Variants in CDADC1 observed in about 807,000 individuals in gnomAD.
The protein encoded by CDADC1 is dCTP deaminase.
In CDADC1, 39 loss-of-function variants were observed where a neutral mutation model predicts 54.9. The observed-to-expected ratio is 0.71, with a 90% CI of 0.55 to 0.93. CDADC1 has a LOEUF of 0.93. Among genes scored for constraint, CDADC1 ranks in the 40% least tolerant of loss-of-function variants. The pLI is 0.00. For missense variants in CDADC1, 518 were observed against 618.8 expected (o/e 0.84, Z 1.73); for synonymous variants, 186 against 204.0 (o/e 0.91, Z 0.75).
intron 9 of CDADC1, among the ~76,000 whole-genome samples, chr13:49,291,452 G>A (rs1246442476): frequency 6.6e-6 from 1 of 152,110 alleles, no homozygotes; most frequent in Non-Finnish European, 1.5e-5. Context: ...AATTACAGAC[G>A]TGAGCCATTG....
At position 49,291,981 on chromosome 13, in the gene CDADC1, C is replaced by T. The variant is rs190171227; in HGVS notation, c.*224C>T. ...TGTAGTAGTGTGTTATTTTATTACA[C>T]GAAATGAGGGAGCAATAACTTCAAC... On this transcript the variant is annotated 3_prime_UTR_variant, in exon 10 of 10. Transcript: ENST00000251108. 389 of 1,264,942 alleles carry T rather than the reference C, an allele frequency of 3.1e-4. No homozygotes were observed. The highest frequency in any genetic ancestry group is 3.6e-4 in the Non-Finnish European group (359 of 1,000,990). 78.4% of individuals were successfully genotyped at this position (1,264,942 alleles called of 1,614,324 possible).
At chr13:49,282,610 C>A (rs571477608) in intron 8 of CDADC1, among the ~76,000 whole-genome samples, 1 of 152,316 alleles carries the variant, frequency 6.6e-6, no homozygotes, top group East Asian at 1.9e-4. Context: ...TGCCACTAAT[C>A]CACAGATTCC....
At chr13:49,259,750 G>A (rs889679948) in intron 4 of CDADC1, among the ~76,000 whole-genome samples, 6 of 152,032 alleles carry the variant, frequency 3.9e-5, no homozygotes, top group African/African-American at 1.4e-4. Flanking sequence ...GAGATAATGA[G>A]GTGGGAGGAT....
chr13:49,281,739 C>T (rs1953342133), intron 8 of CDADC1, among the ~76,000 whole-genome samples: 1 of 152,174 alleles, frequency 6.6e-6, no homozygotes, highest in Admixed American at 6.5e-5. Flanking sequence ...TGCACACACA[C>T]AAACACACAC....
At chr13:49,291,653 T>C (rs759875053) in intron 9 of CDADC1, 31 bp from the exon 10 acceptor site, 1 of 1,600,764 alleles carries the variant, frequency 6.2e-7, no homozygotes, top group Non-Finnish European at 8.5e-7. Flanking sequence ...GAAATGAAGC[T>C]GTCCTGACCT....
In CDADC1 at chr13:49,292,272, T is replaced by C. The variant is rs1953731053; in HGVS notation, c.*515T>C. On this transcript the variant is annotated 3_prime_UTR_variant, in exon 10 of 10. Transcript: ENST00000251108. Reference sequence around the variant, plus strand: ...GTAATCAGAATTTACTTAATTAGAATTGACTCATAAAAATAAAGTTAGTGG... The same window carrying C: ...GTAATCAGAATTTACTTAATTAGAACTGACTCATAAAAATAAAGTTAGTGG... 2 of 978,450 alleles carry C rather than the reference T, an allele frequency of 2.0e-6. No individual in the cohort carries two copies. The highest frequency in any genetic ancestry group is 1.2e-4 in the Admixed American group (2 of 17,096). The allele number at this position is 978,450 out of a possible 1,614,324, so 60.6% of individuals were successfully genotyped here.
At chr13:49,248,362 G>A in intron 1 of CDADC1, 1 of 462,578 alleles carries the variant, frequency 2.2e-6, no homozygotes, top group Non-Finnish European at 3.9e-6. Context: ...TAGAGCTGGG[G>A]CCTCTGAGGT....
At chr13:49,274,603 C>T (rs929056905) in intron 6 of CDADC1, among the ~76,000 whole-genome samples, 7 of 151,852 alleles carry the variant, frequency 4.6e-5, no homozygotes, top group African/African-American at 1.4e-4. Context: ...CCCGGGAGGC[C>T]GAGCTTGCTG....
intron 2 of CDADC1, among the ~76,000 whole-genome samples, chr13:49,250,027 G>C (rs886200907): frequency 6.6e-5 from 10 of 152,288 alleles, no homozygotes; most frequent in African/African-American, 2.2e-4. Context: ...GGTAAAATGA[G>C]GGGGGTGGGG....
Position 49,292,120 on chromosome 13 carries a change from G to A in CDADC1, c.*363G>A. 9.8e-7 allele frequency: 1 copy of A among 1,023,170 alleles called. No homozygotes were observed. The allele number at this position is 1,023,170 out of a possible 1,614,324, so 63.4% of individuals were successfully genotyped here. On this transcript the variant is annotated 3_prime_UTR_variant, in exon 10 of 10. Coordinates refer to ENST00000251108, the MANE Select transcript of CDADC1 (RefSeq NM_030911.4). Reference sequence around the variant, plus strand: ...CTCTGCAGGGAATCACACACCTTTTGAGAAATATTAATTCTTTTGAATTAC... The same window carrying A: ...CTCTGCAGGGAATCACACACCTTTTAAGAAATATTAATTCTTTTGAATTAC...
chr13:49,253,752 G>A (rs1952484095), intron 2 of CDADC1, among the ~76,000 whole-genome samples: 1 of 152,086 alleles, frequency 6.6e-6, no homozygotes, highest in African/African-American at 2.4e-5. Flanking sequence ...TTGCCATGTT[G>A]CCCAGACTGG....
In CDADC1 at chr13:49,268,071, A is replaced by T; in HGVS notation, c.1000+12A>T. On this transcript the variant is annotated intron_variant, in intron 5 of 9. Coordinates refer to ENST00000251108, the MANE Select transcript of CDADC1 (RefSeq NM_030911.4). ...GGCATATCGAACTGGTGAGTTACAT[A>T]GATCGTAAATTGGGGCTGATTGGTT... is the stretch of plus-strand genomic sequence containing the variant. 6.3e-7 allele frequency: 1 copy of T among 1,591,152 alleles called. No individual in the cohort carries two copies. The highest frequency in any genetic ancestry group is 8.6e-7 in the Non-Finnish European group (1 of 1,167,590).
At chr13:49,274,397 C>A in intron 6 of CDADC1, 57 bp downstream of exon 6, 1 of 1,407,694 alleles carries the variant, frequency 7.1e-7, no homozygotes, top group South Asian at 1.2e-5. Context: ...AAACATAGTT[C>A]AGTCTTCGGT....
At chr13:49,287,223 C>T (rs540894725) in intron 9 of CDADC1, among the ~76,000 whole-genome samples, 2 of 152,022 alleles carry the variant, frequency 1.3e-5, no homozygotes, top group Non-Finnish European at 2.9e-5. Context: ...ACTATATTAT[C>T]GAATTATTTG....
At chr13:49,261,002 G>A (rs866109494) in intron 4 of CDADC1, among the ~76,000 whole-genome samples, 2 of 152,190 alleles carry the variant, frequency 1.3e-5, no homozygotes, top group South Asian at 4.1e-4. Context: ...TCATCAAGTT[G>A]TAAGAAGCAA....
chr13:49,252,530 G>T (rs1952458644), intron 2 of CDADC1, among the ~76,000 whole-genome samples: 1 of 152,208 alleles, frequency 6.6e-6, no homozygotes, highest in African/African-American at 2.4e-5. Flanking sequence ...AATTTCATTA[G>T]TTCTTCTGAT....
At chr13:49,266,275 G>T (rs1408923438) in intron 4 of CDADC1, among the ~76,000 whole-genome samples, 1 of 152,072 alleles carries the variant, frequency 6.6e-6, no homozygotes, top group African/African-American at 2.4e-5. Context: ...ACTTAACTAT[G>T]TATAAGGCAT....
intron 1 of CDADC1, 144 bp downstream of exon 1, chr13:49,248,263 CCCTCCGCGGTCGCCAGGA>C: frequency 1.4e-6 from 1 of 707,992 alleles, no homozygotes; most frequent in Non-Finnish European, 2.3e-6. Context: ...TCTGCGTGTC[CCCTCCGCGGTCGCCAGGA>C]CCAATCGGCT....
intron 7 of CDADC1, among the ~76,000 whole-genome samples, chr13:49,279,806 C>T (rs1233554719): frequency 6.6e-6 from 1 of 152,152 alleles, no homozygotes; most frequent in Non-Finnish European, 1.5e-5. Flanking sequence ...TCAGTCCTTG[C>T]AGCCCCAGTT....
Sources: gnomAD v4.1 joint callset for allele counts (sites outside exome capture counted in the v4.1 genomes callset) on GRCh38, gnomAD v4.1.1 for gene constraint, MANE v1.5 for transcripts, NCBI Gene and HGNC (gene_info 2026-07-23, HGNC 2026-07-21) for gene names.